The following NBAS variants were observed in gnomAD, a reference collection of about 807,000 sequenced individuals.
NBAS encodes the protein NBAS subunit of NRZ tethering complex.
In NBAS, 219 loss-of-function variants were observed where a neutral mutation model predicts 302.5. The observed-to-expected ratio is 0.72, with a 90% confidence interval of 0.65 to 0.81. The LOEUF (loss-of-function observed/expected upper bound fraction) is 0.81, where lower values mean the gene tolerates loss of function less well. Ranked by LOEUF, NBAS falls within the 30% of genes least tolerant of loss-of-function variation. NBAS has a pLI of 0.00. For synonymous variants in NBAS, 1,118 were observed against 1,021.6 expected (o/e 1.09, Z -1.80); for missense variants, 2,932 against 2,841.6 (o/e 1.03, Z -0.72).
chr2:15,297,132 G>A (rs1670585557), intron 40 of NBAS, among the ~76,000 whole-genome samples: 2 of 152,194 alleles, frequency 1.3e-5, no homozygotes, highest in South Asian at 4.1e-4. Context: ...CTGTAGGACA[G>A]GCATCTCTTA....
At chr2:14,854,076 A>AAAT in the NBAS span, among the ~76,000 whole-genome samples, 1 of 148,078 alleles carries the variant, frequency 6.8e-6, no homozygotes, top group African/African-American at 2.5e-5. Flanking sequence ...GTATAATAAA[A>AAAT]AATAATAATA....
In NBAS at chr2:15,275,617, T is replaced by A; in HGVS notation, c.5591A>T (p.Lys1864Ile). The change falls in exon 44 of 52, where the codon AAA becomes ATA. Residue 1864 changes from lysine (K) to isoleucine (I), a missense_variant. By Grantham distance (102) the Lys-to-Ile change is moderately radical. Transcript: ENST00000281513. ...LFWTGDPHLI[K>I]QVPGSSPEWL... ...CTCCGGTGAAGAGCCTGGGACTTGT[T>A]TAATGAGATGAGGGTCTCCAGTCCA... is the stretch of plus-strand genomic sequence containing the variant. The A allele has an allele frequency of 6.2e-7, 1 of 1,614,180 alleles. No individual in the cohort carries two copies. The highest frequency in any genetic ancestry group is 8.5e-7 in the Non-Finnish European group (1 of 1,180,024).
the NBAS span, among the ~76,000 whole-genome samples, chr2:15,080,026 C>T: frequency 1.3e-5 from 2 of 152,136 alleles, no homozygotes; most frequent in Non-Finnish European, 2.9e-5. Context: ...TACAATCTGA[C>T]CTTATAGGTT....
At chr2:15,267,362 C>A (rs776762514) in intron 44 of NBAS, among the ~76,000 whole-genome samples, 1 of 151,800 alleles carries the variant, frequency 6.6e-6, no homozygotes, top group East Asian at 1.9e-4. Context: ...AGACCAAAGC[C>A]AGAGATCAAT....
intron 11 of NBAS, among the ~76,000 whole-genome samples, chr2:15,501,920 G>T (rs566950466): frequency 1.3e-5 from 2 of 152,012 alleles, no homozygotes; most frequent in South Asian, 2.1e-4. Flanking sequence ...AAGCCACCAC[G>T]CCAGGCTAAG....
chr2:15,370,574 G>A (rs1674433603), intron 31 of NBAS, among the ~76,000 whole-genome samples: 1 of 152,212 alleles, frequency 6.6e-6, no homozygotes, highest in Non-Finnish European at 1.5e-5. Flanking sequence ...TGGGATTAGA[G>A]GAGTGAGCCA....
the NBAS span, among the ~76,000 whole-genome samples, chr2:15,109,735 A>G: frequency 6.6e-6 from 1 of 152,088 alleles, no homozygotes; most frequent in Non-Finnish European, 1.5e-5. Context: ...CACTAATCCC[A>G]TTCATGAGAG....
At chr2:14,930,283 G>C in the NBAS span, among the ~76,000 whole-genome samples, 2 of 152,170 alleles carry the variant, frequency 1.3e-5, no homozygotes, top group African/African-American at 4.8e-5. Flanking sequence ...GAGTAAAATA[G>C]AGAAAAAATG....
At chr2:14,991,979 C>T in the NBAS span, among the ~76,000 whole-genome samples, 1 of 152,040 alleles carries the variant, frequency 6.6e-6, no homozygotes. Flanking sequence ...AGGAGGAGCA[C>T]CTTTGGCTGA....
At chr2:15,028,652 C>T in the NBAS span, among the ~76,000 whole-genome samples, 1 of 152,220 alleles carries the variant, frequency 6.6e-6, no homozygotes, top group Non-Finnish European at 1.5e-5. Context: ...TGTCTCTGTC[C>T]TCAAACCCAA....
chr2:15,187,022 A>G lies in NBAS; in HGVS notation c.6573-142T>C, dbSNP rs1277862048. The G allele has an allele frequency of 3.3e-6, 4 of 1,224,414 alleles. No individual in the cohort carries two copies. In the South Asian group the frequency reaches 5.1e-5, roughly 16 times the overall value. 75.8% of individuals were successfully genotyped at this position (1,224,414 alleles called of 1,614,324 possible). ...GTGCTGCTTCAAGTCAACCTTGTAG[A>G]AAAGATAACACCTTAAGGAGAAAAA... On this transcript the variant is annotated intron_variant, in intron 49 of 51. Transcript: ENST00000281513.
chr2:15,230,211 C>T (rs566128974), intron 47 of NBAS, among the ~76,000 whole-genome samples: 1 of 152,242 alleles, frequency 6.6e-6, no homozygotes, highest in East Asian at 1.9e-4. Flanking sequence ...AACCATATCA[C>T]TGCAAAGACC....
At chr2:15,246,438 A>G (rs1177258222) in intron 44 of NBAS, among the ~76,000 whole-genome samples, 2 of 152,238 alleles carry the variant, frequency 1.3e-5, no homozygotes, top group African/African-American at 4.8e-5. Context: ...CTAAAAGTAA[A>G]TAGCTATTAA....
the NBAS span, among the ~76,000 whole-genome samples, chr2:15,010,084 A>G: frequency 2.0e-5 from 3 of 152,278 alleles, no homozygotes; most frequent in African/African-American, 7.2e-5. Flanking sequence ...TACCCTTACA[A>G]TGGGAACAAA....
chr2:15,234,093 CT>C (rs1667489616), intron 46 of NBAS, among the ~76,000 whole-genome samples: 1 of 152,182 alleles, frequency 6.6e-6, no homozygotes. Flanking sequence ...TCTAAAGACA[CT>C]TTACAGATGT....
chr2:15,508,563 A>AAAC (rs1314057560), intron 10 of NBAS, among the ~76,000 whole-genome samples: 17 of 152,326 alleles, frequency 1.1e-4, no homozygotes, highest in Non-Finnish European at 1.9e-4. Context: ...AGTTGAAATG[A>AAAC]TTGTACAATG....
the NBAS span, among the ~76,000 whole-genome samples, chr2:15,054,135 C>A: frequency 6.6e-6 from 1 of 152,182 alleles, no homozygotes; most frequent in South Asian, 2.1e-4. Context: ...GCTAATTTCT[C>A]AACATGCGAC....
At chr2:14,848,488 C>G in the NBAS span, among the ~76,000 whole-genome samples, 1 of 143,956 alleles carries the variant, frequency 6.9e-6, no homozygotes, top group Non-Finnish European at 1.5e-5. Context: ...AAGGCGGCAG[C>G]GAGGCTGGGG....
rs114465724 is a variant in NBAS at position 15,382,309 on chromosome 2, G to A, written c.3360+906C>T. 6.6e-3 allele frequency among the ~76,000 whole-genome samples: 997 copies of A among 152,154 alleles called. 15 individuals are homozygous for A. In the South Asian group the frequency reaches 0.072, roughly 11 times the overall value. ...CAGTCAACTGACAACTATTTCTTAC[G>A]TATCCTTTATATTCCATATGTTATA... On this transcript the variant is annotated intron_variant, in intron 29 of 51. Transcript: ENST00000281513.
Sources: allele counts gnomAD v4.1 joint callset (sites outside exome capture counted in the v4.1 genomes callset), GRCh38; gene constraint gnomAD v4.1.1; transcripts MANE v1.5; gene names NCBI Gene and HGNC (gene_info 2026-07-23, HGNC 2026-07-21).